Variants in DCBLD2 observed in about 807,000 individuals in gnomAD.
DCBLD2 encodes discoidin, CUB and LCCL domain containing 2, also known as discoidin, CUB and LCCL domain-containing protein 2.
Under a neutral mutation model 86.8 loss-of-function variants are expected in DCBLD2, and 54 were observed. The observed-to-expected ratio is 0.62, with a 90% CI of 0.50 to 0.78. DCBLD2 has a LOEUF of 0.78. Among genes scored for constraint, DCBLD2 ranks in the 30% least tolerant of loss-of-function variants. DCBLD2 has a pLI of 0.00. For missense variants in DCBLD2, 908 were observed against 954.2 expected (o/e 0.95, Z 0.64); for synonymous variants, 354 against 341.3 (o/e 1.04, Z -0.41).
chr3:98,833,756 C>T (rs1942368763), intron 3 of DCBLD2, among the ~76,000 whole-genome samples: 2 of 152,146 alleles, frequency 1.3e-5, no homozygotes, highest in Non-Finnish European at 2.9e-5. Flanking sequence ...GCTTCAGTCC[C>T]ATGGACTCTC....
intron 2 of DCBLD2, among the ~76,000 whole-genome samples, chr3:98,856,851 C>A (rs1942938696): frequency 6.6e-6 from 1 of 151,892 alleles, no homozygotes; most frequent in African/African-American, 2.4e-5. Context: ...AGAAAAAAAA[C>A]AGACTAAAAA....
chr3:98,892,572 G>A (rs940673662), intron 1 of DCBLD2, among the ~76,000 whole-genome samples: 2 of 152,120 alleles, frequency 1.3e-5, no homozygotes, highest in African/African-American at 4.8e-5. Context: ...GGGATTGCCA[G>A]CAGCCATGAT....
At chr3:98,882,679 T>C (rs1943493128) in intron 1 of DCBLD2, among the ~76,000 whole-genome samples, 1 of 152,224 alleles carries the variant, frequency 6.6e-6, no homozygotes, top group South Asian at 2.1e-4. Flanking sequence ...GTGTTTGGTT[T>C]TCTGTCCTTG....
chr3:98,868,026 A>T (rs548232237), intron 2 of DCBLD2, among the ~76,000 whole-genome samples: 34 of 152,116 alleles, frequency 2.2e-4, no homozygotes, highest in African/African-American at 8.2e-4. Flanking sequence ...GATGGTCTCG[A>T]TCTCCTGACC....
At chr3:98,863,880 T>C (rs1455757630) in intron 2 of DCBLD2, among the ~76,000 whole-genome samples, 1 of 152,014 alleles carries the variant, frequency 6.6e-6, no homozygotes, top group Non-Finnish European at 1.5e-5. Context: ...ACTAAAGAGC[T>C]TCTGCACAGC....
intron 3 of DCBLD2, among the ~76,000 whole-genome samples, chr3:98,828,060 T>C (rs144871194): frequency 1.7e-3 from 266 of 152,242 alleles, no homozygotes; most frequent in Admixed American, 6.5e-3. Flanking sequence ...TACCTCAAAC[T>C]ACATACAAAA....
intron 8 of DCBLD2, 95 bp from the exon 9 acceptor site, chr3:98,817,988 A>G: frequency 1.4e-6 from 2 of 1,427,190 alleles, no homozygotes; most frequent in Non-Finnish European, 1.9e-6. Context: ...GCACAGCTCG[A>G]ACATTTCTAA....
rs984796992 is a variant in DCBLD2 at position 98,868,098 on chromosome 3, C to T, written c.433+13442G>A. ...GATTACAGGCGTGAGCCACCGTGCCCGACCAGAAATAACATTTGAATCCAA... is the reference window on the plus strand; with the variant it reads ...GATTACAGGCGTGAGCCACCGTGCCTGACCAGAAATAACATTTGAATCCAA... On this transcript the variant is annotated intron_variant, in intron 2 of 15. Transcript: ENST00000326840. Among the ~76,000 whole-genome samples the T allele has an allele frequency of 9.2e-5, 14 of 152,082 alleles. 1 individual carries two copies. The highest frequency in any genetic ancestry group is 3.8e-4 in the East Asian group (2 of 5,198).
In DCBLD2 at chr3:98,822,510, C is replaced by T. The variant is rs548662298; in HGVS notation, c.697-149G>A. On this transcript the variant is annotated intron_variant, in intron 5 of 15. Coordinates refer to ENST00000326840, the MANE Select transcript of DCBLD2 (RefSeq NM_080927.4). ...ATAGATTATTGGTACTGTAACACAA[C>T]AGTTTTAGCAGAAGAAAAAGAATAA... The T allele has an allele frequency of 2.6e-5, 33 of 1,274,076 alleles. No individual in the cohort carries two copies. In the East Asian group the frequency reaches 6.2e-4, roughly 24 times the overall value. The allele number at this position is 1,274,076 out of a possible 1,614,324, so 78.9% of individuals were successfully genotyped here.
chr3:98,852,527 G>A (rs1478839370), intron 2 of DCBLD2, among the ~76,000 whole-genome samples: 2 of 152,208 alleles, frequency 1.3e-5, no homozygotes, highest in Non-Finnish European at 2.9e-5. Context: ...GATTACAGGC[G>A]TGAGCCACCG....
In DCBLD2 at chr3:98,819,343, A is replaced by C; in HGVS notation, c.946T>G (p.Trp316Gly). The part of the protein sequence containing the change: ...PQITASSVLE[W>G]TDHTGQENSW... The stretch of plus-strand genomic sequence containing the variant: ...TTCTCTTGCCCTGTGTGGTCAGTCC[A>C]CTCCAGCACAGATGATGCTGTTATT... Residue 316 changes from tryptophan to glycine, a missense_variant, in exon 8 of 16, where the codon TGG becomes GGG. Trp to Gly is a radical substitution (Grantham distance 184). This residue lies in a region of DCBLD2 where 606 missense variants were observed against 678.5 expected (regional missense o/e 0.89). Coordinates refer to ENST00000326840, the MANE Select transcript of DCBLD2 (RefSeq NM_080927.4). The C allele has an allele frequency of 6.2e-7, 1 of 1,613,776 alleles. No individual in the cohort carries two copies. Among genetic ancestry groups the C allele is most frequent in the Non-Finnish European group, 8.5e-7 (1 of 1,179,778 alleles).
intron 3 of DCBLD2, among the ~76,000 whole-genome samples, chr3:98,827,141 A>C (rs1303242223): frequency 6.6e-6 from 1 of 152,188 alleles, no homozygotes; most frequent in Non-Finnish European, 1.5e-5. Context: ...GTTAAGCTAA[A>C]TCTGTGCTTT....
chr3:98,898,867 C>T (rs534401529), intron 1 of DCBLD2, among the ~76,000 whole-genome samples: 3 of 152,242 alleles, frequency 2.0e-5, no homozygotes, highest in South Asian at 2.1e-4. Context: ...CTAATTAGCT[C>T]TTAATTTATC....
chr3:98,857,968 G>A (rs932903258), intron 2 of DCBLD2, among the ~76,000 whole-genome samples: 3 of 152,248 alleles, frequency 2.0e-5, no homozygotes, highest in African/African-American at 4.8e-5. Flanking sequence ...CGCGCCGTGC[G>A]CCCGCACTCC....
intron 1 of DCBLD2, among the ~76,000 whole-genome samples, chr3:98,897,144 T>C (rs1454920699): frequency 2.6e-5 from 4 of 152,218 alleles, no homozygotes; most frequent in South Asian, 2.1e-4. Flanking sequence ...TTTTACATGT[T>C]TGTCTTTAAA....
chr3:98,864,546 C>G (rs1023590121), intron 2 of DCBLD2, among the ~76,000 whole-genome samples: 9 of 152,152 alleles, frequency 5.9e-5, no homozygotes, highest in African/African-American at 2.2e-4. Context: ...GAGTTCATGT[C>G]CTTTGTAGGG....
In DCBLD2 at chr3:98,901,289, G is replaced by A; in HGVS notation, c.38C>T (p.Pro13Leu). The change falls in exon 1 of 16, where the codon CCG (proline) becomes CTG (leucine). Residue 13 changes from proline (P) to leucine (L), a missense_variant. Transcript: ENST00000326840. ...SRAVVRARRC[P>L]QCPQVRAAAA... ...CGCGGCCCGGACTTGGGGACACTGC[G>A]GGCAGCGCCTGGCTCTCACCACCGC... 6.6e-7 allele frequency: 1 copy of A among 1,522,510 alleles called. No individual in the cohort carries two copies. Among genetic ancestry groups the A allele is most frequent in the Non-Finnish European group, 8.8e-7 (1 of 1,141,080 alleles). 94.3% of individuals were successfully genotyped at this position (1,522,510 alleles called of 1,614,324 possible).
At chr3:98,856,376 G>GA (rs1165633214) in intron 2 of DCBLD2, among the ~76,000 whole-genome samples, 1 of 151,010 alleles carries the variant, frequency 6.6e-6, no homozygotes, top group African/African-American at 2.4e-5. Flanking sequence ...TCTCTCAGAA[G>GA]AAAAAAAAGA....
At chr3:98,847,169 G>A (rs961723129) in intron 3 of DCBLD2, among the ~76,000 whole-genome samples, 1 of 152,090 alleles carries the variant, frequency 6.6e-6, no homozygotes. Context: ...GTAGAAGGGG[G>A]GAAACTAACA....
Sources: allele counts gnomAD v4.1 joint callset (sites outside exome capture counted in the v4.1 genomes callset), GRCh38; gene constraint gnomAD v4.1.1; regional missense constraint gnomAD v4.1.1; transcripts MANE v1.5; gene names NCBI Gene and HGNC (gene_info 2026-07-23, HGNC 2026-07-21).